CCDC134: variants seen among roughly 807,000 people sequenced by gnomAD.
CCDC134 encodes coiled-coil domain-containing protein 134.
Under a neutral mutation model 25.6 loss-of-function variants are expected in CCDC134, and 27 were observed. The ratio of observed to expected loss-of-function variants is 1.05; its 90% CI spans 0.78 to 1.45. The LOEUF is 1.45. CCDC134 is among the 40% of genes most tolerant of loss of function. The pLI is 0.00. For synonymous variants in CCDC134, 110 were observed against 115.0 expected (o/e 0.96, Z 0.28); for missense variants, 261 against 286.7 (o/e 0.91, Z 0.65).
chr22:41,815,359 C>A (rs554895833), intron 6 of CCDC134, among the ~76,000 whole-genome samples: 4 of 152,092 alleles, frequency 2.6e-5, no homozygotes, highest in Admixed American at 2.6e-4. Flanking sequence ...GCGCCCGCCA[C>A]CACACCTGGC....
intron 2 of CCDC134, 35 bp downstream of exon 2, chr22:41,809,028 T>A: frequency 1.3e-6 from 2 of 1,528,782 alleles, no homozygotes; most frequent in Non-Finnish European, 1.8e-6. Flanking sequence ...GAGCTGTCTT[T>A]GAGAGGTCTA....
At chr22:41,804,867 C>T (rs542517701) in intron 1 of CCDC134, among the ~76,000 whole-genome samples, 4 of 152,244 alleles carry the variant, frequency 2.6e-5, no homozygotes, top group African/African-American at 4.8e-5. Flanking sequence ...GCCAGGAGTT[C>T]GAGACCAGCC....
intron 6 of CCDC134, among the ~76,000 whole-genome samples, chr22:41,818,073 A>G (rs556508859): frequency 5.3e-5 from 8 of 152,304 alleles, no homozygotes; most frequent in Admixed American, 3.9e-4. Context: ...GGTCATATTC[A>G]TGGCCACGAT....
Position 41,830,884 on chromosome 22 carries a change from C to CTTTTTTTTTTTTT in CCDC134, c.*5071_*5083dup, listed in dbSNP as rs67246997. On this transcript the variant is annotated 3_prime_UTR_variant, in exon 7 of 7. Transcript: ENST00000255784. ...AGATCCTTATTTTTTCTTTTCTTTT[C>CTTTTTTTTTTTTT]TTTTTTTTTTTTTTTTTTTTTTGAG... is the stretch of plus-strand genomic sequence containing the variant. 8.5e-6 allele frequency among the ~76,000 whole-genome samples: 1 copy of CTTTTTTTTTTTTT among 117,292 alleles called. No homozygotes were observed. Among genetic ancestry groups the CTTTTTTTTTTTTT allele is most frequent in the Non-Finnish European group, 1.7e-5 (1 of 60,478 alleles). The allele number at this position is 117,292 out of a possible 152,430, so 76.9% of individuals were successfully genotyped here.
rs187064162 is a variant in CCDC134 at position 41,809,090 on chromosome 22, C to T, written c.103+97C>T. The T allele has an allele frequency of 1.5e-4, 148 of 1,010,588 alleles. No homozygotes were observed. In the East Asian group the frequency reaches 1.9e-3, roughly 13 times the overall value. The allele number at this position is 1,010,588 out of a possible 1,614,324, so 62.6% of individuals were successfully genotyped here. A position where few individuals can be genotyped will look rare whatever the true frequency, so the allele number is the denominator to read the frequency against. ...TCCAGGGATAAGCAGGCCCAGCTGGCGGGAACAGGGAGAAAAGGTGAGGTG... is the reference window on the plus strand; with the variant it reads ...TCCAGGGATAAGCAGGCCCAGCTGGTGGGAACAGGGAGAAAAGGTGAGGTG... On this transcript the variant is annotated intron_variant, in intron 2 of 6. Transcript: ENST00000255784.
rs1242981392 is a variant in CCDC134, at chr22:41,831,951, G to C, written c.*6128G>C. ...GGGATGCTATTTTATCCCCATTTTA[G>C]AGATGACTAAACTGAGGCTTAGAAC... is the stretch of plus-strand genomic sequence containing the variant. On this transcript the variant is annotated 3_prime_UTR_variant, in exon 7 of 7. Transcript: ENST00000255784. 6.6e-6 allele frequency: 1 copy of C among 152,116 alleles called. No homozygotes were observed. The highest frequency in any genetic ancestry group is 1.5e-5 in the Non-Finnish European group (1 of 68,016). The allele number at this position is 152,116 out of a possible 1,614,324, so 9.4% of individuals were successfully genotyped here.
chr22:41,815,268 C>T (rs977003009), intron 6 of CCDC134, among the ~76,000 whole-genome samples: 7 of 147,764 alleles, frequency 4.7e-5, no homozygotes, highest in East Asian at 2.0e-4. Flanking sequence ...TACAGTGGCG[C>T]GATCTCGGCT....
chr22:41,801,639 C>T lies in CCDC134; in HGVS notation c.-17+873C>T, dbSNP rs887296337. ...GTACCTGACCGACACCCTCTCATCC[C>T]TCTGTGCTTATTTTACAAGTTTATT... On this transcript the variant is annotated intron_variant, in intron 1 of 6. Transcript: ENST00000255784. Among the ~76,000 whole-genome samples, 13 of 152,138 alleles carry T rather than the reference C, an allele frequency of 8.5e-5. No homozygotes were observed. The South Asian group carries it at 1.0e-3, about 12-fold the overall frequency.
At chr22:41,801,961 G>A (rs138116614) in intron 1 of CCDC134, among the ~76,000 whole-genome samples, 3 of 152,322 alleles carry the variant, frequency 2.0e-5, no homozygotes, top group African/African-American at 4.8e-5. Flanking sequence ...TGGCTACAAG[G>A]ATGAATAGCA....
chr22:41,824,208 G>T (rs764524175), intron 6 of CCDC134, among the ~76,000 whole-genome samples: 10 of 152,206 alleles, frequency 6.6e-5, no homozygotes, highest in Non-Finnish European at 1.2e-4. Flanking sequence ...GGCAGGTCTA[G>T]AGGGCAGTGA....
chr22:41,813,233 C>T (rs1204694276), intron 4 of CCDC134, 31 bp from the exon 5 acceptor site: 4 of 1,610,652 alleles, frequency 2.5e-6, no homozygotes, highest in Non-Finnish European at 3.4e-6. Context: ...AGAGCATCTG[C>T]CCTGGCCACT....
chr22:41,828,529 C>T lies in CCDC134; in HGVS notation c.*2706C>T, dbSNP rs1444011072. Reference sequence around the variant, plus strand: ...ACCTGGTTAATCCTGTCCTTTCTGCCCTCAAATGGGCACCTTCAAAGAAAC... The same window carrying T: ...ACCTGGTTAATCCTGTCCTTTCTGCTCTCAAATGGGCACCTTCAAAGAAAC... On this transcript the variant is annotated 3_prime_UTR_variant, in exon 7 of 7. Transcript: ENST00000255784. Among the ~76,000 whole-genome samples, 2 of 152,152 alleles carry T rather than the reference C, an allele frequency of 1.3e-5. No homozygotes were observed. Among genetic ancestry groups the T allele is most frequent in the African/African-American group, 2.4e-5 (1 of 41,422 alleles).
intron 6 of CCDC134, among the ~76,000 whole-genome samples, chr22:41,823,316 C>T (rs566163514): frequency 1.3e-5 from 2 of 151,360 alleles, no homozygotes; most frequent in South Asian, 4.2e-4. Context: ...CCCCCGCCTC[C>T]TGGGTTCAGG....
At chr22:41,812,713 G>T (rs2076603179) in intron 4 of CCDC134, among the ~76,000 whole-genome samples, 1 of 151,258 alleles carries the variant, frequency 6.6e-6, no homozygotes, top group South Asian at 2.1e-4. Flanking sequence ...AAATAAAATG[G>T]AAAGAATATT....
intron 4 of CCDC134, among the ~76,000 whole-genome samples, chr22:41,812,610 C>T (rs2076602504): frequency 6.6e-6 from 1 of 151,876 alleles, no homozygotes; most frequent in Non-Finnish European, 1.5e-5. Flanking sequence ...TCAGCCTGGG[C>T]AACAAAGTGA....
chr22:41,809,736 G>T (rs1022481870), intron 2 of CCDC134, 143 bp from the exon 3 acceptor site: 2 of 1,031,576 alleles, frequency 1.9e-6, no homozygotes, highest in Non-Finnish European at 2.8e-6. Flanking sequence ...TTGTCAGTTT[G>T]TTCATTTCCT....
intron 1 of CCDC134, among the ~76,000 whole-genome samples, chr22:41,806,453 C>G (rs1332439946): frequency 6.6e-6 from 1 of 151,768 alleles, no homozygotes; most frequent in Admixed American, 6.6e-5. Context: ...ATCTCCTGAC[C>G]TTGTGATCCG....
At position 41,813,960 on chromosome 22, in the gene CCDC134, C is replaced by T. The variant is rs534790766; in HGVS notation, c.564+138C>T. On this transcript the variant is annotated intron_variant, in intron 6 of 6. Transcript: ENST00000255784. Reference sequence around the variant, plus strand: ...CTGGGCCTGGGTCCAGAAGATATCACTGACTCATTGGAGCCTGTGGGCAAG... The same window carrying T: ...CTGGGCCTGGGTCCAGAAGATATCATTGACTCATTGGAGCCTGTGGGCAAG... 55 of 688,752 alleles carry T rather than the reference C, an allele frequency of 8.0e-5. No individual in the cohort carries two copies. The South Asian group carries it at 9.2e-4, about 11-fold the overall frequency. 42.7% of individuals were successfully genotyped at this position (688,752 alleles called of 1,614,324 possible).
chr22:41,802,365 C>T (rs5751164), intron 1 of CCDC134, among the ~76,000 whole-genome samples: 1 of 152,190 alleles, frequency 6.6e-6, no homozygotes, highest in East Asian at 1.9e-4. Context: ...TGGTCTCTTG[C>T]CATGTTGGAG....
Sources: allele counts gnomAD v4.1 joint callset (sites outside exome capture counted in the v4.1 genomes callset), GRCh38; gene constraint gnomAD v4.1.1; transcripts MANE v1.5; gene names NCBI Gene and HGNC (gene_info 2026-07-23, HGNC 2026-07-21).